CTNND2: variants seen among roughly 807,000 people sequenced by gnomAD.
CTNND2 encodes catenin delta-2.
A neutral mutation model predicts 144.4 loss-of-function variants in CTNND2; 22 were observed. The observed-to-expected ratio is 0.15, with a 90% confidence interval of 0.11 to 0.22. The LOEUF (loss-of-function observed/expected upper bound fraction) is 0.22. Among genes scored for constraint, CTNND2 ranks in the 10% least tolerant of loss-of-function variants. CTNND2 has a pLI of 1.00. For missense variants in CTNND2, 1,353 were observed against 1,618.8 expected, an observed-to-expected ratio of 0.84 and a Z score of 2.82; for synonymous variants, 751 against 695.6, an observed-to-expected ratio of 1.08 and a Z score of -1.25.
Position 11,384,978 on chromosome 5 carries a change from C to T in CTNND2, c.864G>A (p.Glu288=), listed in dbSNP as rs1758904108. 6.5e-7 allele frequency: 1 copy of T among 1,535,282 alleles called. No homozygotes were observed. Among genetic ancestry groups the T allele is most frequent in the Non-Finnish European group, 8.7e-7 (1 of 1,145,974 alleles). Residue 288 remains glutamate, a synonymous_variant, in exon 7 of 22, where the codon GAG becomes GAA. Coordinates refer to ENST00000304623, the MANE Select transcript of CTNND2 (RefSeq NM_001332.4). This position sits in a 1 kb window ranked among gnomAD's most constrained non-coding sequence, Gnocchi z 5.2. ...TKLQRGGSAP[E]GATYAAPRGS... ...CGCGCGGCGCGGCGTAGGTGGCGCC[C>T]TCGGGGGCCGAGCCGCCGCGCTGCA...
intron 9 of CTNND2, among the ~76,000 whole-genome samples, chr5:11,293,626 A>G (rs1206211355): frequency 6.6e-6 from 1 of 151,802 alleles, no homozygotes; most frequent in African/African-American, 2.4e-5. Context: ...TTCACAGTTT[A>G]TATTTATTCT....
intron 12 of CTNND2, among the ~76,000 whole-genome samples, chr5:11,119,813 G>A (rs765732416): frequency 2.0e-5 from 3 of 152,122 alleles, no homozygotes; most frequent in Non-Finnish European, 2.9e-5. Context: ...TTAGGGTAGC[G>A]TGTGTACACC....
intron 2 of CTNND2, among the ~76,000 whole-genome samples, chr5:11,645,185 T>C (rs1486758495): frequency 6.6e-6 from 1 of 152,104 alleles, no homozygotes; most frequent in Non-Finnish European, 1.5e-5. Context: ...AAGTTGGTCT[T>C]GAACTCCCGG....
rs969064839 is a variant in CTNND2 at position 11,233,080 on chromosome 5, C to T, written c.1761+3611G>A. ...TGAGGCCTCCCCAGCCATGCAGAAC[C>T]GTGAGTCCATTAAACCTCTCTTCTT... On this transcript the variant is annotated intron_variant, in intron 10 of 21. Transcript: ENST00000304623. Among the ~76,000 whole-genome samples, 6 of 152,230 alleles carry T rather than the reference C, an allele frequency of 3.9e-5. No homozygotes were observed. The East Asian group carries it at 5.8e-4, about 15-fold the overall frequency.
intron 2 of CTNND2, among the ~76,000 whole-genome samples, chr5:11,580,877 A>T (rs1778374950): frequency 6.6e-6 from 1 of 152,196 alleles, no homozygotes. Context: ...CTCTTCTGTA[A>T]TTCAAACAGG....
At chr5:11,307,998 C>A (rs953041371) in intron 9 of CTNND2, among the ~76,000 whole-genome samples, 2 of 152,198 alleles carry the variant, frequency 1.3e-5, no homozygotes. Context: ...TGTGAGGACA[C>A]AGCAAAGACT....
intron 2 of CTNND2, among the ~76,000 whole-genome samples, chr5:11,664,367 C>A (rs368293902): frequency 6.6e-6 from 1 of 152,088 alleles, no homozygotes; most frequent in Non-Finnish European, 1.5e-5. Context: ...CCAAGGCCAG[C>A]GGATCACGAG....
chr5:11,119,961 A>G (rs1753922072), intron 12 of CTNND2, among the ~76,000 whole-genome samples: 1 of 152,198 alleles, frequency 6.6e-6, no homozygotes. Context: ...TTTCACTGGT[A>G]ATCATTAAAT....
chr5:11,102,851 C>T (rs921932231), intron 14 of CTNND2, among the ~76,000 whole-genome samples: 2 of 151,538 alleles, frequency 1.3e-5, no homozygotes, highest in Non-Finnish European at 2.9e-5. Flanking sequence ...AAGGAAATAA[C>T]ATATGCGTGG....
chr5:11,268,156 G>A (rs748406571), intron 9 of CTNND2, among the ~76,000 whole-genome samples: 3 of 152,154 alleles, frequency 2.0e-5, no homozygotes, highest in East Asian at 1.9e-4. Context: ...CATGAGGCAC[G>A]GAACATGTGT....
At chr5:11,679,124 C>G (rs1784314875) in intron 2 of CTNND2, among the ~76,000 whole-genome samples, 1 of 151,892 alleles carries the variant, frequency 6.6e-6, no homozygotes, top group African/African-American at 2.4e-5. Context: ...AGGAACCAAT[C>G]AGTGTGATCA....
chr5:11,320,800 T>C (rs1333360036), intron 9 of CTNND2, among the ~76,000 whole-genome samples: 1 of 152,044 alleles, frequency 6.6e-6, no homozygotes. Context: ...AGCTATAAGA[T>C]GAGATTTAGG....
intron 8 of CTNND2, among the ~76,000 whole-genome samples, chr5:11,358,451 GC>G (rs1756124925): frequency 6.6e-6 from 1 of 152,080 alleles, no homozygotes; most frequent in Admixed American, 6.6e-5. Flanking sequence ...TAACTTTTTA[GC>G]CTAAGAAAAG....
At chr5:11,866,358 T>C (rs1795770039) in intron 1 of CTNND2, among the ~76,000 whole-genome samples, 2 of 152,170 alleles carry the variant, frequency 1.3e-5, no homozygotes, top group African/African-American at 4.8e-5. Flanking sequence ...AAATTTATGG[T>C]GATTTGTTAT....
At chr5:11,308,124 A>G (rs1376713427) in intron 9 of CTNND2, among the ~76,000 whole-genome samples, 1 of 152,152 alleles carries the variant, frequency 6.6e-6, no homozygotes, top group Non-Finnish European at 1.5e-5. Context: ...TTTGTAAGGC[A>G]CCCAGTTTGT....
At chr5:11,814,030 A>G (rs1268481790) in intron 1 of CTNND2, among the ~76,000 whole-genome samples, 2 of 152,194 alleles carry the variant, frequency 1.3e-5, no homozygotes, top group Admixed American at 1.3e-4. Flanking sequence ...TTTAATTTAG[A>G]TGCTTTTTTC....
chr5:11,494,604 G>T (rs1205513362), intron 3 of CTNND2, among the ~76,000 whole-genome samples: 1 of 152,098 alleles, frequency 6.6e-6, no homozygotes, highest in Non-Finnish European at 1.5e-5. Flanking sequence ...CTTGATGAAA[G>T]GACTGTGAAA....
Position 11,715,567 on chromosome 5 carries a change from G to C in CTNND2, c.174+16569C>G, listed in dbSNP as rs146585685. Among the ~76,000 whole-genome samples the C allele has an allele frequency of 8.0e-3, 1,216 of 152,300 alleles. 12 individuals carry two copies. Among genetic ancestry groups the C allele is most frequent in the Non-Finnish European group, 0.01 (683 of 68,026 alleles). Reference sequence around the variant, plus strand: ...TCCAAATAACAGATACATGTGACAAGTAGATTTACCCTTCCTACTCTTTTC... The same window carrying C: ...TCCAAATAACAGATACATGTGACAACTAGATTTACCCTTCCTACTCTTTTC... On this transcript the variant is annotated intron_variant, in intron 2 of 21. Coordinates refer to ENST00000304623, the MANE Select transcript of CTNND2 (RefSeq NM_001332.4).
intron 16 of CTNND2, among the ~76,000 whole-genome samples, chr5:11,043,790 T>A (rs1422725227): frequency 1.3e-5 from 2 of 152,106 alleles, no homozygotes; most frequent in Admixed American, 6.5e-5. Flanking sequence ...ATTTCACTTG[T>A]AGCAAAGGAG....
Sources: allele counts gnomAD v4.1 joint callset (sites outside exome capture counted in the v4.1 genomes callset), GRCh38; gene constraint gnomAD v4.1.1; non-coding constraint Gnocchi (gnomAD v3.1); transcripts MANE v1.5; gene names NCBI Gene and HGNC (gene_info 2026-07-23, HGNC 2026-07-21).